Variants in KIDINS220 observed in about 807,000 individuals in gnomAD.
KIDINS220 encodes kinase D interacting substrate 220.
KIDINS220 carries 63 observed loss-of-function variants against 157.6 expected under a neutral mutation model. The observed-to-expected ratio is 0.40, with a 90% confidence interval of 0.33 to 0.49. The LOEUF is 0.49. Ranked by LOEUF, KIDINS220 falls within the 20% of genes least tolerant of loss-of-function variation. KIDINS220 has a pLI of 0.66. For synonymous variants in KIDINS220, 732 were observed against 783.6 expected (o/e 0.93, Z 1.10); for missense variants, 1,772 against 2,171.2 (o/e 0.82, Z 3.65).
At chr2:8,753,878 C>A (rs9287701) in intron 22 of KIDINS220, among the ~76,000 whole-genome samples, 102,628 of 152,046 alleles carry the variant, frequency 0.67, 34,899 homozygotes, top group East Asian at 0.76. Context: ...TAGCAATTTT[C>A]TCTTAATTAA....
intron 22 of KIDINS220, among the ~76,000 whole-genome samples, chr2:8,769,490 A>G (rs1669899285): frequency 6.6e-6 from 1 of 152,162 alleles, no homozygotes; most frequent in Non-Finnish European, 1.5e-5. Flanking sequence ...AACAACAACA[A>G]TCTTGAGGAT....
chr2:8,837,081 G>A (rs1264257696), intron 1 of KIDINS220, among the ~76,000 whole-genome samples: 1 of 152,174 alleles, frequency 6.6e-6, no homozygotes, highest in Non-Finnish European at 1.5e-5. Flanking sequence ...AAGCCTAGGA[G>A]GAGGAACCTA....
At chr2:8,755,519 A>G (rs1385464519) in intron 22 of KIDINS220, among the ~76,000 whole-genome samples, 3 of 152,244 alleles carry the variant, frequency 2.0e-5, no homozygotes, top group African/African-American at 7.2e-5. Context: ...TAAACTACAC[A>G]TGCACACAAA....
At position 8,812,428 on chromosome 2, in the gene KIDINS220, C is replaced by A; in HGVS notation, c.471G>T (p.Leu157=). 6.3e-7 allele frequency: 1 copy of A among 1,598,370 alleles called. No homozygotes were observed. Among genetic ancestry groups the A allele is most frequent in the Non-Finnish European group, 8.5e-7 (1 of 1,172,058 alleles). The change falls in exon 6 of 30, where the codon CTG becomes CTT. Residue 157 remains leucine, a synonymous_variant. Transcript: ENST00000256707. ...AGCAGTTGACTTTAGCACCATTTTG[C>A]AGTAAAAGATGAACTATATCTGCAT... ...RGHADIVHLL[L]QNGAKVNCSD... is the part of the protein sequence containing the mutation.
chr2:8,773,663 G>T (rs988308013), intron 21 of KIDINS220, among the ~76,000 whole-genome samples: 3 of 152,004 alleles, frequency 2.0e-5, no homozygotes, highest in Non-Finnish European at 4.4e-5. Context: ...GTAAAGACGG[G>T]GTTTCATCAT....
At position 8,776,734 on chromosome 2, in the gene KIDINS220, G is replaced by T; in HGVS notation, c.2848+14C>A. 1 of 1,609,900 alleles carries T rather than the reference G, an allele frequency of 6.2e-7. No homozygotes were observed. On this transcript the variant is annotated intron_variant, in intron 21 of 29. Transcript: ENST00000256707. ...GCTTATTAACTATCATAGACAATAA[G>T]AGACAAAAGTCACCTGTCACAGAAA...
At chr2:8,788,544 C>G in intron 15 of KIDINS220, 103 bp downstream of exon 15, 1 of 1,141,282 alleles carries the variant, frequency 8.8e-7, no homozygotes, top group Non-Finnish European at 1.2e-6. Flanking sequence ...GCTGGGATTA[C>G]AAGCGTGAGC....
chr2:8,756,932 C>T lies in KIDINS220; in HGVS notation c.3012-5288G>A, dbSNP rs113631740. The stretch of plus-strand genomic sequence containing the variant: ...AATTTCAGTCTTTCACCACGGAGTA[C>T]GATGTTAGCTGCAGATAAGTCAGTA... On this transcript the variant is annotated intron_variant, in intron 22 of 29. Transcript: ENST00000256707. 6.6e-3 allele frequency among the ~76,000 whole-genome samples: 1,000 copies of T among 152,248 alleles called. 2 individuals carry two copies. Among genetic ancestry groups the T allele is most frequent in the African/African-American group, 7.8e-3 (326 of 41,544 alleles).
intron 14 of KIDINS220, among the ~76,000 whole-genome samples, chr2:8,789,382 G>C (rs1211769990): frequency 1.4e-5 from 2 of 143,346 alleles, no homozygotes; most frequent in East Asian, 4.4e-4. Context: ...CCCCCTCCCA[G>C]GTTCACGCCA....
chr2:8,735,791 C>A (rs1038660096), intron 27 of KIDINS220, among the ~76,000 whole-genome samples: 1 of 152,188 alleles, frequency 6.6e-6, no homozygotes, highest in Non-Finnish European at 1.5e-5. Flanking sequence ...CCTGCTGCAA[C>A]AATGCCGCGG....
chr2:8,819,978 T>G (rs865815179), intron 2 of KIDINS220, among the ~76,000 whole-genome samples: 2 of 152,300 alleles, frequency 1.3e-5, no homozygotes, highest in Admixed American at 6.5e-5. Context: ...ACTTACTACA[T>G]GTATATTAGT....
At chr2:8,780,964 G>A (rs1006186264) in intron 17 of KIDINS220, among the ~76,000 whole-genome samples, 1 of 151,336 alleles carries the variant, frequency 6.6e-6, no homozygotes, top group Non-Finnish European at 1.5e-5. Context: ...GAGCGTCAGT[G>A]TTCTAAAGAT....
intron 17 of KIDINS220, among the ~76,000 whole-genome samples, chr2:8,784,553 TA>T (rs1395774343): frequency 6.6e-6 from 1 of 152,074 alleles, no homozygotes; most frequent in South Asian, 2.1e-4. Context: ...AAAGAACTCT[TA>T]AAACTCAACA....
chr2:8,769,662 T>C (rs1669925043), intron 22 of KIDINS220, among the ~76,000 whole-genome samples: 1 of 152,228 alleles, frequency 6.6e-6, no homozygotes, highest in African/African-American at 2.4e-5. Flanking sequence ...TTCATAATTA[T>C]ACAGCACTTG....
In KIDINS220 at chr2:8,731,833, G is replaced by C. The variant is rs183360862; in HGVS notation, c.4203C>G (p.Pro1401=). Residue 1401 remains proline (P), a synonymous_variant, in exon 30 of 30, where the codon CCC becomes CCG. Coordinates refer to ENST00000256707, the MANE Select transcript of KIDINS220 (RefSeq NM_020738.4). This position sits in a 1 kb window ranked among gnomAD's most constrained non-coding sequence, Gnocchi z 5.2. ...IAQMSQLEGG[P]GSTTISGRSS... ...ATCTGCCACTAATGGTTGTAGACCC[G>C]GGGCCCCCTTCTAACTGGGACATCT... 1 of 1,614,018 alleles carries C rather than the reference G, an allele frequency of 6.2e-7. No homozygotes were observed. Among genetic ancestry groups the C allele is most frequent in the Non-Finnish European group, 8.5e-7 (1 of 1,180,000 alleles).
In KIDINS220 at chr2:8,797,722, A is replaced by G. The variant is rs532529500; in HGVS notation, c.999+480T>C. On this transcript the variant is annotated intron_variant, in intron 10 of 29. Transcript: ENST00000256707. The stretch of plus-strand genomic sequence containing the variant: ...ACACATACGCTAAATAGGAGACCAC[A>G]GTATTAGATAATTTTTTATTTTTTA... Among the ~76,000 whole-genome samples, 5 of 152,354 alleles carry G rather than the reference A, an allele frequency of 3.3e-5. No homozygotes were observed. In the South Asian group the frequency reaches 1.0e-3, roughly 32 times the overall value.
At chr2:8,746,202 A>G (rs965941598) in intron 26 of KIDINS220, among the ~76,000 whole-genome samples, 4 of 151,472 alleles carry the variant, frequency 2.6e-5, no homozygotes, top group African/African-American at 7.3e-5. Context: ...TCCCAGGCTC[A>G]AGCGATTCTC....
intron 22 of KIDINS220, chr2:8,757,662 T>C: frequency 1.9e-6 from 3 of 1,612,136 alleles, no homozygotes; most frequent in Non-Finnish European, 2.5e-6. Flanking sequence ...TCATGGCCTG[T>C]TCCATGTCCT....
chr2:8,770,278 C>T (rs561312466), intron 22 of KIDINS220, among the ~76,000 whole-genome samples: 7 of 152,014 alleles, frequency 4.6e-5, no homozygotes, highest in East Asian at 1.9e-4. Context: ...TCCTGGTGCA[C>T]GCCTACAGTC....
Sources: allele counts gnomAD v4.1 joint callset (sites outside exome capture counted in the v4.1 genomes callset), GRCh38; gene constraint gnomAD v4.1.1; non-coding constraint Gnocchi (gnomAD v3.1); transcripts MANE v1.5; gene names NCBI Gene and HGNC (gene_info 2026-07-23, HGNC 2026-07-21).